CSMD1: variants seen among roughly 807,000 people sequenced by gnomAD.
CSMD1 encodes the protein CUB and Sushi multiple domains 1, also known as CUB and sushi domain-containing protein 1.
In CSMD1, 213 loss-of-function variants were observed where a neutral mutation model predicts 417.5. The observed-to-expected ratio is 0.51, with a 90% CI of 0.46 to 0.57. CSMD1 has a LOEUF of 0.57. Among genes scored for constraint, CSMD1 ranks in the 20% least tolerant of loss-of-function variants. CSMD1 has a pLI of 0.00. For missense variants in CSMD1, 6,923 were observed against 4,529.7 expected (o/e 1.53, Z -15.17); for synonymous variants, 2,862 against 1,736.8 (o/e 1.65, Z -16.11).
In CSMD1 at chr8:3,880,442, T is replaced by C. The variant is rs926823747; in HGVS notation, c.818+117461A>G. Among the ~76,000 whole-genome samples the C allele has an allele frequency of 1.5e-4, 23 of 152,224 alleles. 1 individual carries two copies. Among genetic ancestry groups the C allele is most frequent in the South Asian group, 4.1e-4 (2 of 4,832 alleles). ...GTTTCCAGGATTTGAGTGATATTTA[T>C]GTAAATTTTAATTCTTGAGATATCT... On this transcript the variant is annotated intron_variant, in intron 5 of 69. Transcript: ENST00000635120.
intron 2 of CSMD1, among the ~76,000 whole-genome samples, chr8:4,514,781 G>C (rs998425640): frequency 6.6e-6 from 1 of 152,116 alleles, no homozygotes; most frequent in African/African-American, 2.4e-5. Context: ...TACACACTCT[G>C]GTGATTACAT....
At chr8:3,854,538 C>T (rs1435253189) in intron 5 of CSMD1, among the ~76,000 whole-genome samples, 2 of 152,076 alleles carry the variant, frequency 1.3e-5, no homozygotes, top group East Asian at 1.9e-4. Flanking sequence ...GGGTTATGGG[C>T]AGTTTCATTT....
intron 12 of CSMD1, among the ~76,000 whole-genome samples, chr8:3,445,251 G>A (rs1466317714): frequency 3.3e-5 from 5 of 152,078 alleles, no homozygotes; most frequent in African/African-American, 4.8e-5. Context: ...ACGTTCTCTG[G>A]GTTTCACTGG....
intron 49 of CSMD1, among the ~76,000 whole-genome samples, chr8:3,055,195 T>C (rs1363138093): frequency 1.3e-5 from 2 of 152,206 alleles, no homozygotes; most frequent in African/African-American, 4.8e-5. Context: ...AAACAATTCA[T>C]ACTCGGGAGA....
chr8:4,073,530 T>A (rs1799667813), intron 3 of CSMD1, among the ~76,000 whole-genome samples: 1 of 152,176 alleles, frequency 6.6e-6, no homozygotes, highest in Non-Finnish European at 1.5e-5. Context: ...TGTGTCTTAG[T>A]GCCAGATGGC....
intron 68 of CSMD1, among the ~76,000 whole-genome samples, chr8:2,945,815 T>C (rs612788): frequency 0.84 from 128,203 of 152,158 alleles, 54,157 homozygotes; most frequent in East Asian, 0.93. Context: ...ACTACTACAA[T>C]GATAAATCAA....
At chr8:3,843,351 G>A (rs1416821489) in intron 5 of CSMD1, among the ~76,000 whole-genome samples, 2 of 152,024 alleles carry the variant, frequency 1.3e-5, no homozygotes, top group Non-Finnish European at 2.9e-5. Flanking sequence ...TTTATTTACT[G>A]AATATTTATT....
At chr8:4,158,194 G>T (rs887095851) in intron 3 of CSMD1, among the ~76,000 whole-genome samples, 1 of 150,614 alleles carries the variant, frequency 6.6e-6, no homozygotes. Context: ...CCTTTCCTAA[G>T]CCCAGACATA....
At chr8:3,817,292 T>TTTTTTTTTTTTTTTTTTTTTA (rs1563109891) in intron 5 of CSMD1, among the ~76,000 whole-genome samples, 1 of 93,548 alleles carries the variant, frequency 1.1e-5, no homozygotes, top group African/African-American at 5.4e-5. Context: ...TTTTTTTTTT[T>TTTTTTTTTTTTTTTTTTTTTA]TTTTTTGAGA....
intron 2 of CSMD1, among the ~76,000 whole-genome samples, chr8:4,534,252 G>C (rs1417194523): frequency 1.3e-5 from 2 of 152,160 alleles, no homozygotes; most frequent in African/African-American, 4.8e-5. Flanking sequence ...CTGGCCCCAA[G>C]GATGCTGAAG....
intron 3 of CSMD1, among the ~76,000 whole-genome samples, chr8:4,109,331 C>A (rs778345392): frequency 6.6e-6 from 1 of 152,046 alleles, no homozygotes; most frequent in Non-Finnish European, 1.5e-5. Context: ...CAAAGCTGAG[C>A]TATCATTTTC....
At chr8:3,349,215 G>A (rs1021631589) in intron 21 of CSMD1, among the ~76,000 whole-genome samples, 2 of 152,180 alleles carry the variant, frequency 1.3e-5, no homozygotes, top group Non-Finnish European at 2.9e-5. Flanking sequence ...CCACTGGGTT[G>A]CTCAAGGTAC....
At chr8:3,554,664 C>G (rs1799064426) in intron 10 of CSMD1, among the ~76,000 whole-genome samples, 1 of 152,204 alleles carries the variant, frequency 6.6e-6, no homozygotes, top group South Asian at 2.1e-4. Flanking sequence ...CCTTAGTTTT[C>G]TTGAGCTTGT....
intron 41 of CSMD1, among the ~76,000 whole-genome samples, chr8:3,118,900 G>C (rs965981578): frequency 6.6e-6 from 1 of 152,162 alleles, no homozygotes; most frequent in Non-Finnish European, 1.5e-5. Flanking sequence ...AGTAATACAG[G>C]CTGGGAGCGG....
intron 3 of CSMD1, among the ~76,000 whole-genome samples, chr8:4,151,039 A>G (rs1013650705): frequency 6.6e-6 from 1 of 152,158 alleles, no homozygotes; most frequent in Non-Finnish European, 1.5e-5. Context: ...CAGACGTAAT[A>G]AAACGGTTGA....
chr8:4,062,646 T>C (rs1393290902), intron 3 of CSMD1, among the ~76,000 whole-genome samples: 1 of 151,938 alleles, frequency 6.6e-6, no homozygotes, highest in East Asian at 1.9e-4. Flanking sequence ...TTCAATTCAG[T>C]AGTCACGTGC....
intron 3 of CSMD1, among the ~76,000 whole-genome samples, chr8:4,201,253 T>G (rs945720755): frequency 1.3e-5 from 2 of 152,100 alleles, no homozygotes; most frequent in African/African-American, 2.4e-5. Flanking sequence ...GTAAAAAAAT[T>G]CAGGGCCGGG....
chr8:3,078,032 T>C (rs1443742844), intron 49 of CSMD1, among the ~76,000 whole-genome samples: 2 of 152,376 alleles, frequency 1.3e-5, no homozygotes, highest in East Asian at 3.9e-4. Flanking sequence ...TGAAATATTT[T>C]GAGTATTCCA....
At chr8:3,762,255 C>G (rs1798049768) in intron 5 of CSMD1, among the ~76,000 whole-genome samples, 3 of 152,180 alleles carry the variant, frequency 2.0e-5, no homozygotes, top group Middle Eastern at 3.4e-3. Context: ...TGTCCCTTAC[C>G]TGGAGATCAG....
Sources: allele counts gnomAD v4.1 joint callset (sites outside exome capture counted in the v4.1 genomes callset), GRCh38; gene constraint gnomAD v4.1.1; transcripts MANE v1.5; gene names NCBI Gene and HGNC (gene_info 2026-07-23, HGNC 2026-07-21).